GUCY1A2: variants seen among roughly 807,000 people sequenced by gnomAD.
GUCY1A2 encodes the protein guanylate cyclase 1 soluble subunit alpha 2, also known as guanylate cyclase soluble subunit alpha-2.
GUCY1A2 carries 27 observed loss-of-function variants against 63.5 expected under a neutral mutation model. The ratio of observed to expected loss-of-function variants is 0.43; its 90% CI spans 0.31 to 0.59. The LOEUF is 0.59. GUCY1A2 is among the 20% of genes least tolerant of loss of function. The pLI, the probability that GUCY1A2 is intolerant of heterozygous loss-of-function variation, is 0.11. For missense variants in GUCY1A2, 768 were observed against 913.3 expected, an observed-to-expected ratio of 0.84 and a Z score of 2.05; for synonymous variants, 364 against 343.5, an observed-to-expected ratio of 1.06 and a Z score of -0.66.
chr11:106,864,543 T>C (rs1859563005), intron 4 of GUCY1A2, among the ~76,000 whole-genome samples: 2 of 152,154 alleles, frequency 1.3e-5, no homozygotes, highest in Admixed American at 1.3e-4. Flanking sequence ...CTGCATGATA[T>C]GGGCGATGGG....
chr11:106,714,257 A>G (rs10890570), intron 6 of GUCY1A2, among the ~76,000 whole-genome samples: 20,678 of 152,058 alleles, frequency 0.14, 1,544 homozygotes, highest in Admixed American at 0.2. Context: ...TTAGAAAACT[A>G]TCTAAAAGAG....
At chr11:106,753,905 G>C (rs2135386951) in intron 6 of GUCY1A2, among the ~76,000 whole-genome samples, 2 of 152,304 alleles carry the variant, frequency 1.3e-5, no homozygotes, top group East Asian at 3.9e-4. Flanking sequence ...GTCAGTGGTA[G>C]CTTGATGGGG....
intron 4 of GUCY1A2, among the ~76,000 whole-genome samples, chr11:106,821,578 A>G (rs1385612320): frequency 6.6e-6 from 1 of 152,222 alleles, no homozygotes; most frequent in Non-Finnish European, 1.5e-5. Context: ...ATAAATATAT[A>G]GCACCACCAT....
intron 4 of GUCY1A2, among the ~76,000 whole-genome samples, chr11:106,861,785 A>G (rs1235563624): frequency 1.3e-5 from 2 of 152,034 alleles, no homozygotes; most frequent in Non-Finnish European, 1.5e-5. Flanking sequence ...TTACTCATTT[A>G]AAAAAACACT....
chr11:106,687,426 C>T lies in GUCY1A2; in HGVS notation c.*123G>A, dbSNP rs889716959. On this transcript the variant is annotated 3_prime_UTR_variant, in exon 8 of 8. Coordinates refer to ENST00000526355, the MANE Select transcript of GUCY1A2 (RefSeq NM_000855.3). ...AGTAGGATTATTGCCTGACATAATA[C>T]AGAAATTTTGCTGCTTGTTCTCAAC... 12 of 739,388 alleles carry T rather than the reference C, an allele frequency of 1.6e-5. No homozygotes were observed. The highest frequency in any genetic ancestry group is 2.6e-5 in the Non-Finnish European group (11 of 426,902). The allele number at this position is 739,388 out of a possible 1,614,324, so 45.8% of individuals were successfully genotyped here.
chr11:106,826,691 C>A, intron 4 of GUCY1A2: 1 of 1,609,516 alleles, frequency 6.2e-7, no homozygotes, highest in Non-Finnish European at 8.5e-7. Context: ...AAGCTGAAAT[C>A]CATGTCAATA....
intron 4 of GUCY1A2, among the ~76,000 whole-genome samples, chr11:106,920,781 C>T (rs995653134): frequency 1.3e-5 from 2 of 152,026 alleles, no homozygotes; most frequent in African/African-American, 4.8e-5. Context: ...TGAATAAAGT[C>T]GATCGCAGTA....
At chr11:106,781,023 T>C (rs775138092) in intron 5 of GUCY1A2, among the ~76,000 whole-genome samples, 23 of 147,382 alleles carry the variant, frequency 1.6e-4, no homozygotes, top group Non-Finnish European at 3.1e-4. Context: ...GCAGGAAAAG[T>C]GAAAGTGTCA....
intron 6 of GUCY1A2, among the ~76,000 whole-genome samples, chr11:106,736,993 A>G (rs568438363): frequency 3.5e-4 from 53 of 152,092 alleles, no homozygotes; most frequent in Non-Finnish European, 6.3e-4. Context: ...TCTTTTGTCT[A>G]TGGAGGGCAG....
chr11:106,886,453 GTTA>G (rs1338371714), intron 4 of GUCY1A2, among the ~76,000 whole-genome samples: 2 of 151,960 alleles, frequency 1.3e-5, no homozygotes, highest in African/African-American at 2.4e-5. Context: ...ACAAACTTCT[GTTA>G]TTTTGGGTCT....
intron 6 of GUCY1A2, among the ~76,000 whole-genome samples, chr11:106,717,582 G>C (rs1432891049): frequency 6.6e-6 from 1 of 152,164 alleles, no homozygotes. Flanking sequence ...AGAAAAAGAA[G>C]AAAGTCTTTT....
chr11:106,909,289 AAC>A (rs1191167184), intron 4 of GUCY1A2, among the ~76,000 whole-genome samples: 1 of 151,450 alleles, frequency 6.6e-6, no homozygotes, highest in Non-Finnish European at 1.5e-5. Flanking sequence ...ACTGTACTAC[AAC>A]ATTGGAAACA....
intron 6 of GUCY1A2, among the ~76,000 whole-genome samples, chr11:106,752,256 A>G (rs1439337727): frequency 1.3e-5 from 2 of 152,238 alleles, no homozygotes; most frequent in Non-Finnish European, 2.9e-5. Flanking sequence ...CCAATTAACA[A>G]CATGGCTAAG....
intron 6 of GUCY1A2, among the ~76,000 whole-genome samples, chr11:106,735,754 C>T (rs552145621): frequency 1.3e-5 from 2 of 152,226 alleles, no homozygotes; most frequent in South Asian, 4.1e-4. Context: ...CCACCAACAG[C>T]ATATGAGGGT....
At chr11:106,709,461 TAGAATAA>T (rs1863005053) in intron 6 of GUCY1A2, among the ~76,000 whole-genome samples, 1 of 93,088 alleles carries the variant, frequency 1.1e-5, no homozygotes, top group African/African-American at 4.6e-5. Flanking sequence ...TCTATATTTA[TAGAATAA>T]TATATATTAT....
chr11:106,810,915 A>G (rs1284189467), intron 4 of GUCY1A2, among the ~76,000 whole-genome samples: 1 of 152,118 alleles, frequency 6.6e-6, no homozygotes, highest in African/African-American at 2.4e-5. Context: ...TAAATCCAGG[A>G]GGTTAAAATG....
chr11:106,788,829 G>T (rs1298403050), intron 5 of GUCY1A2, among the ~76,000 whole-genome samples: 1 of 152,082 alleles, frequency 6.6e-6, no homozygotes, highest in Non-Finnish European at 1.5e-5. Flanking sequence ...TTGAAGTCAG[G>T]TATTGTAATT....
At chr11:106,920,545 G>C (rs577520162) in intron 4 of GUCY1A2, among the ~76,000 whole-genome samples, 2 of 152,178 alleles carry the variant, frequency 1.3e-5, no homozygotes, top group Admixed American at 1.3e-4. Context: ...ACATGATTAT[G>C]ATTTGAGGGA....
At chr11:106,834,541 CTG>C (rs1859092281) in intron 4 of GUCY1A2, among the ~76,000 whole-genome samples, 1 of 151,940 alleles carries the variant, frequency 6.6e-6, no homozygotes. Flanking sequence ...AATTTCCAGA[CTG>C]TCATTGTGCT....
Sources: allele counts gnomAD v4.1 joint callset (sites outside exome capture counted in the v4.1 genomes callset), GRCh38; gene constraint gnomAD v4.1.1; transcripts MANE v1.5; gene names NCBI Gene and HGNC (gene_info 2026-07-23, HGNC 2026-07-21).